DIP2C: variants seen among roughly 807,000 people sequenced by gnomAD.
The protein encoded by DIP2C is DIP2 acetate--CoA ligase C (putative), also known as disco-interacting protein 2 homolog C.
In DIP2C, 33 loss-of-function variants were observed where a neutral mutation model predicts 192.4. The ratio of observed to expected loss-of-function variants is 0.17; its 90% confidence interval spans 0.13 to 0.23. The LOEUF is 0.23. Ranked by LOEUF, DIP2C falls within the 10% of genes least tolerant of loss-of-function variation. The pLI is 1.00. For missense variants in DIP2C, 1,537 were observed against 2,110.1 expected, an observed-to-expected ratio of 0.73 and a Z score of 5.32; for synonymous variants, 979 against 864.1, an observed-to-expected ratio of 1.13 and a Z score of -2.33.
intron 1 of DIP2C, among the ~76,000 whole-genome samples, chr10:520,343 A>G (rs1846617248): frequency 6.6e-6 from 1 of 152,254 alleles, no homozygotes; most frequent in African/African-American, 2.4e-5. Flanking sequence ...CTTTCCGAAG[A>G]CGTGTGCGTT....
At chr10:626,381 C>T (rs550504781) in intron 1 of DIP2C, among the ~76,000 whole-genome samples, 6 of 151,000 alleles carry the variant, frequency 4.0e-5, no homozygotes, top group Admixed American at 3.9e-4. Context: ...CGGCAGCATC[C>T]CCCAAAGGCA....
At chr10:361,282 C>T (rs987990795) in intron 22 of DIP2C, among the ~76,000 whole-genome samples, 5 of 152,136 alleles carry the variant, frequency 3.3e-5, no homozygotes, top group Admixed American at 6.5e-5. Flanking sequence ...CCCAGCTAAA[C>T]TCCTAAGGAA....
chr10:396,659 G>A (rs11252134), intron 10 of DIP2C, among the ~76,000 whole-genome samples: 86,251 of 151,778 alleles, frequency 0.57, 24,538 homozygotes, highest in East Asian at 0.7. Flanking sequence ...TCCCAGGACT[G>A]GGGTTAACTA....
In DIP2C at chr10:566,258, T is replaced by G. The variant is rs1849462254; in HGVS notation, c.86-79728A>C. Among the ~76,000 whole-genome samples, 2 of 152,194 alleles carry G rather than the reference T, an allele frequency of 1.3e-5. 1 individual carries two copies. The highest frequency in any genetic ancestry group is 4.1e-4 in the South Asian group (2 of 4,824). ...CAATTTTTTGCCCCTTTTTAAACTG[T>G]AATCGTAGTTACCATTTATTAAAAG... On this transcript the variant is annotated intron_variant, in intron 1 of 36. Transcript: ENST00000280886.
At chr10:560,275 AAG>A (rs1292657044) in intron 1 of DIP2C, among the ~76,000 whole-genome samples, 3 of 152,184 alleles carry the variant, frequency 2.0e-5, no homozygotes, top group African/African-American at 7.2e-5. Context: ...AGGAGTCACA[AAG>A]AGGGGAGGTT....
chr10:540,313 A>G (rs930541307), intron 1 of DIP2C, among the ~76,000 whole-genome samples: 1 of 152,240 alleles, frequency 6.6e-6, no homozygotes, highest in Non-Finnish European at 1.5e-5. Context: ...TCCTCACACA[A>G]TTATCTCAGG....
intron 31 of DIP2C, among the ~76,000 whole-genome samples, chr10:310,500 G>A (rs1956522549): frequency 6.6e-6 from 1 of 152,228 alleles, no homozygotes; most frequent in Non-Finnish European, 1.5e-5. Context: ...GAGGGCCCAG[G>A]ACAGTGAAGC....
At chr10:352,604 T>C (rs889678220) in intron 24 of DIP2C, among the ~76,000 whole-genome samples, 2 of 152,188 alleles carry the variant, frequency 1.3e-5, no homozygotes, top group East Asian at 1.9e-4. Flanking sequence ...CCTCGCTCCA[T>C]GGCCAGGCAG....
intron 29 of DIP2C, among the ~76,000 whole-genome samples, chr10:330,570 G>A (rs1171281474): frequency 1.3e-5 from 2 of 151,826 alleles, no homozygotes; most frequent in African/African-American, 4.8e-5. Flanking sequence ...ATAGCTACCT[G>A]TCACCTCAAA....
At chr10:424,049 T>C (rs1014743905) in intron 4 of DIP2C, among the ~76,000 whole-genome samples, 26 of 152,314 alleles carry the variant, frequency 1.7e-4, no homozygotes, top group African/African-American at 5.5e-4. Context: ...ACCAAGGTTT[T>C]TGGGAATAAA....
At chr10:612,408 CTT>C (rs767711280) in intron 1 of DIP2C, among the ~76,000 whole-genome samples, 4 of 152,126 alleles carry the variant, frequency 2.6e-5, no homozygotes, top group Non-Finnish European at 5.9e-5. Context: ...ATTTAACTAT[CTT>C]TTAAGAAGAT....
chr10:365,052 A>T, intron 19 of DIP2C: 1 of 525,910 alleles, frequency 1.9e-6, no homozygotes, highest in South Asian at 1.4e-5. Context: ...GAAGCAAATC[A>T]GATCAGTTCA....
intron 9 of DIP2C, among the ~76,000 whole-genome samples, chr10:400,859 A>T (rs533685445): frequency 6.6e-6 from 1 of 151,780 alleles, no homozygotes; most frequent in African/African-American, 2.4e-5. Context: ...CTGTGATTTT[A>T]CACGTGTGGC....
chr10:454,437 C>T (rs561327658), intron 3 of DIP2C, among the ~76,000 whole-genome samples: 1 of 152,252 alleles, frequency 6.6e-6, no homozygotes, highest in South Asian at 2.1e-4. Flanking sequence ...TCAAACCCCT[C>T]AGAGAAAGAG....
intron 5 of DIP2C, among the ~76,000 whole-genome samples, chr10:421,141 G>A (rs1290109921): frequency 6.6e-6 from 1 of 152,134 alleles, no homozygotes; most frequent in Non-Finnish European, 1.5e-5. Context: ...AGATAGTCTA[G>A]GAAGATTATC....
chr10:340,129 T>C (rs1418989973), intron 29 of DIP2C, among the ~76,000 whole-genome samples: 2 of 151,416 alleles, frequency 1.3e-5, no homozygotes, highest in Non-Finnish European at 2.9e-5. Context: ...TGCAGTGAGC[T>C]GAGATTGTGG....
intron 18 of DIP2C, among the ~76,000 whole-genome samples, chr10:367,416 GA>G (rs1194728801): frequency 0.058 from 6,289 of 109,182 alleles, 246 homozygotes; most frequent in East Asian, 0.2. Flanking sequence ...CTCCGTCTCA[GA>G]AAAAAAAAAA....
intron 1 of DIP2C, among the ~76,000 whole-genome samples, chr10:537,602 G>A (rs1847762947): frequency 6.6e-6 from 1 of 150,548 alleles, no homozygotes; most frequent in Admixed American, 6.6e-5. Flanking sequence ...AGGGCACCCA[G>A]GACACGGGTA....
At chr10:525,723 CA>C (rs1847013720) in intron 1 of DIP2C, among the ~76,000 whole-genome samples, 1 of 152,190 alleles carries the variant, frequency 6.6e-6, no homozygotes, top group African/African-American at 2.4e-5. Context: ...CAGCCCCGTA[CA>C]CCCATCAGCA....
Sources: allele counts gnomAD v4.1 joint callset (sites outside exome capture counted in the v4.1 genomes callset), GRCh38; gene constraint gnomAD v4.1.1; transcripts MANE v1.5; gene names NCBI Gene and HGNC (gene_info 2026-07-23, HGNC 2026-07-21).